The following LRCH1 variants were observed in gnomAD, a reference collection of about 807,000 sequenced individuals.
LRCH1 encodes the protein leucine rich repeats and calponin homology domain containing 1.
Under a neutral mutation model 94.9 loss-of-function variants are expected in LRCH1, and 23 were observed. The ratio of observed to expected loss-of-function variants is 0.24; its 90% CI spans 0.17 to 0.34. The LOEUF is 0.34. LRCH1 is among the 10% of genes least tolerant of loss of function. The probability of loss-of-function intolerance (pLI) is 1.00; values close to 1 mark genes in which losing one functional copy is unlikely to be tolerated. For missense variants in LRCH1, 790 were observed against 945.9 expected (o/e 0.84, Z 2.16); for synonymous variants, 364 against 354.9 (o/e 1.03, Z -0.29).
intron 2 of LRCH1, among the ~76,000 whole-genome samples, chr13:46,664,344 G>A (rs1231219419): frequency 2.6e-5 from 4 of 152,192 alleles, no homozygotes; most frequent in African/African-American, 7.2e-5. Context: ...TGTCTATGGC[G>A]TAGTGACATA....
chr13:46,616,269 A>G (rs2050806930), intron 1 of LRCH1, among the ~76,000 whole-genome samples: 1 of 152,256 alleles, frequency 6.6e-6, no homozygotes, highest in Admixed American at 6.5e-5. Context: ...AAAACTTGAA[A>G]GTAAATGGCA....
chr13:46,573,866 A>ATATATATATATATATT, intron 1 of LRCH1, among the ~76,000 whole-genome samples: 20 of 63,386 alleles, frequency 3.2e-4, no homozygotes, highest in African/African-American at 3.6e-4. Flanking sequence ...ATATATATAT[A>ATATATATATATATATT]TTTTTTTTTT....
rs912429 is a variant in LRCH1 at position 46,573,008 on chromosome 13, A to T, written c.307+19305A>T. Among the ~76,000 whole-genome samples, 37 of 152,334 alleles carry T rather than the reference A, an allele frequency of 2.4e-4. No homozygotes were observed. In the East Asian group the frequency reaches 6.6e-3, roughly 27 times the overall value. ...TAGTTTCCTCATCTGTAAAAGAGAA[A>T]TGATAATAGCACCTGTCACAGAGGG... On this transcript the variant is annotated intron_variant, in intron 1 of 19. Transcript: ENST00000389797.
intron 1 of LRCH1, among the ~76,000 whole-genome samples, chr13:46,598,078 C>G (rs1339942659): frequency 9.2e-5 from 14 of 152,182 alleles, no homozygotes; most frequent in African/African-American, 2.6e-4. Flanking sequence ...GTAAGGAGTT[C>G]AAGACTAGCC....
chr13:46,669,858 T>C (rs2051574203), intron 3 of LRCH1, among the ~76,000 whole-genome samples: 1 of 152,256 alleles, frequency 6.6e-6, no homozygotes, highest in South Asian at 2.1e-4. Flanking sequence ...AGTCTTCATT[T>C]ATCATCTAAG....
In LRCH1 at chr13:46,625,491, C is replaced by A. The variant is rs79988261; in HGVS notation, c.308-24710C>A. 3.6e-3 allele frequency among the ~76,000 whole-genome samples: 551 copies of A among 152,252 alleles called. 4 individuals carry two copies. Among genetic ancestry groups the A allele is most frequent in the African/African-American group, 0.013 (534 of 41,546 alleles). ...CCAGAGAGCTTCTTTCCTCTTCTAC[C>A]ATATGAGGACACTGTGAGAAAACAT... On this transcript the variant is annotated intron_variant, in intron 1 of 19. Transcript: ENST00000389797.
At chr13:46,612,537 G>A (rs2050758764) in intron 1 of LRCH1, among the ~76,000 whole-genome samples, 1 of 152,102 alleles carries the variant, frequency 6.6e-6, no homozygotes, top group Non-Finnish European at 1.5e-5. Flanking sequence ...CTGCCTCTTT[G>A]GGGAGATAGG....
In LRCH1 at chr13:46,744,738, G is replaced by A. The variant is rs1447956634; in HGVS notation, c.*2890G>A. On this transcript the variant is annotated 3_prime_UTR_variant, in exon 20 of 20. Coordinates refer to ENST00000389797, the MANE Select transcript of LRCH1 (RefSeq NM_001164211.2). ...AGGGTGTTTTGCCTTTGCCTGTGGG[G>A]AAAAAGTAGGGATGATATTTTAAAA... is the stretch of plus-strand genomic sequence containing the variant. 1 of 985,332 alleles carries A rather than the reference G, an allele frequency of 1.0e-6. No homozygotes were observed. The highest frequency in any genetic ancestry group is 1.2e-6 in the Non-Finnish European group (1 of 829,886). The allele number at this position is 985,332 out of a possible 1,614,324, so 61.0% of individuals were successfully genotyped here. A position where few individuals can be genotyped will look rare whatever the true frequency, so the allele number is the denominator to read the frequency against.
intron 9 of LRCH1, among the ~76,000 whole-genome samples, chr13:46,698,859 A>G (rs985887669): frequency 6.6e-6 from 1 of 152,246 alleles, no homozygotes; most frequent in Non-Finnish European, 1.5e-5. Flanking sequence ...CATGTAGTTC[A>G]GAGTGTTTTA....
chr13:46,697,416 T>C (rs971065682), intron 9 of LRCH1, among the ~76,000 whole-genome samples: 10 of 152,218 alleles, frequency 6.6e-5, no homozygotes, highest in Admixed American at 2.0e-4. Context: ...AACAGCACTG[T>C]AACTCATGCC....
exon 19 of LRCH1, chr13:46,752,648 TAGG>T (rs1874189219): frequency 6.6e-6 from 1 of 152,180 alleles, no homozygotes. Flanking sequence ...ACTATATAAG[TAGG>T]AGTTTAGCCT....
exon 19 of LRCH1, chr13:46,752,418 C>G (rs1874178801): frequency 6.6e-6 from 1 of 152,260 alleles, no homozygotes; most frequent in African/African-American, 2.4e-5. Context: ...TGGCTGCCCT[C>G]CACTCTTGGG....
Position 46,742,149 on chromosome 13 carries a change from C to CT in LRCH1, c.*302dup, listed in dbSNP as rs1030337195. The CT allele has an allele frequency of 1.6e-6, 2 of 1,217,744 alleles. No individual in the cohort carries two copies. The highest frequency in any genetic ancestry group is 3.1e-5 in the African/African-American group (2 of 64,782). 75.4% of individuals were successfully genotyped at this position (1,217,744 alleles called of 1,614,324 possible). ...CAGTGCCACGCAGTTCCTCCTCTCC[C>CT]TCCCGGTGAGCTGCTGCCCTGGGCA... is the stretch of plus-strand genomic sequence containing the variant. On this transcript the variant is annotated 3_prime_UTR_variant, in exon 20 of 20. Coordinates refer to ENST00000389797, the MANE Select transcript of LRCH1 (RefSeq NM_001164211.2).
intron 1 of LRCH1, among the ~76,000 whole-genome samples, chr13:46,599,080 GCA>G (rs971409148): frequency 1.3e-5 from 2 of 152,134 alleles, no homozygotes; most frequent in African/African-American, 4.8e-5. Flanking sequence ...ATAAATAGAA[GCA>G]TAGAGTATTT....
Position 46,742,355 on chromosome 13 carries a change from A to G in LRCH1, c.*507A>G. 1 of 996,496 alleles carries G rather than the reference A, an allele frequency of 1.0e-6. No individual in the cohort carries two copies. The allele number at this position is 996,496 out of a possible 1,614,324, so 61.7% of individuals were successfully genotyped here. ...TTTGGCCCAACTTGATCTATACAAAACTTTAATAATACCACTACTGACCAA... is the reference window on the plus strand; with the variant it reads ...TTTGGCCCAACTTGATCTATACAAAGCTTTAATAATACCACTACTGACCAA... On this transcript the variant is annotated 3_prime_UTR_variant, in exon 20 of 20. Coordinates refer to ENST00000389797, the MANE Select transcript of LRCH1 (RefSeq NM_001164211.2).
chr13:46,734,045 A>G (rs1444477952), intron 19 of LRCH1, 47 bp downstream of exon 19: 7 of 1,047,346 alleles, frequency 6.7e-6, no homozygotes, highest in Non-Finnish European at 1.0e-5. Context: ...TAAAAATTTT[A>G]TTTAATATAT....
intron 16 of LRCH1, chr13:46,717,443 C>T (rs955498391): frequency 6.6e-6 from 1 of 152,136 alleles, no homozygotes; most frequent in African/African-American, 2.4e-5. Flanking sequence ...TCGATCATGT[C>T]AGATGTTTGG....
intron 1 of LRCH1, among the ~76,000 whole-genome samples, chr13:46,572,141 C>G (rs928627440): frequency 1.3e-5 from 2 of 152,230 alleles, no homozygotes; most frequent in Non-Finnish European, 2.9e-5. Flanking sequence ...TGAGGCCATT[C>G]CCTGCACTCC....
At chr13:46,619,035 C>G (rs2050845709) in intron 1 of LRCH1, among the ~76,000 whole-genome samples, 1 of 151,328 alleles carries the variant, frequency 6.6e-6, no homozygotes, top group Non-Finnish European at 1.5e-5. Context: ...AACTTCACAT[C>G]TAAAGTTCTC....
Sources: gnomAD v4.1 joint callset for allele counts (sites outside exome capture counted in the v4.1 genomes callset) on GRCh38, gnomAD v4.1.1 for gene constraint, MANE v1.5 for transcripts, NCBI Gene and HGNC (gene_info 2026-07-23, HGNC 2026-07-21) for gene names.